The following REDIC1 variants were observed in gnomAD, a reference collection of about 807,000 sequenced individuals.
REDIC1 encodes the protein regulator of DNA class I crossover intermediates 1, also known as HEI10 Interacting Protein 1.
At chr12:39,889,751 T>C in the REDIC1 span, among the ~76,000 whole-genome samples, 91 of 152,068 alleles carry the variant, frequency 6.0e-4, no homozygotes, top group Non-Finnish European at 8.5e-4. Context: ...AGGATGGTCT[T>C]GATTTCTTGA....
At chr12:39,868,823 C>A in the REDIC1 span, among the ~76,000 whole-genome samples, 3 of 152,118 alleles carry the variant, frequency 2.0e-5, no homozygotes, top group Non-Finnish European at 2.9e-5. Context: ...CCAAAAATGT[C>A]CTACATTTAA....
chr12:39,639,777 C>G, the REDIC1 span, among the ~76,000 whole-genome samples: 1 of 151,834 alleles, frequency 6.6e-6, no homozygotes, highest in African/African-American at 2.4e-5. Flanking sequence ...AAGATATATG[C>G]TATTTAGTAT....
the REDIC1 span, among the ~76,000 whole-genome samples, chr12:39,722,158 A>C: frequency 6.6e-6 from 1 of 152,108 alleles, no homozygotes; most frequent in South Asian, 2.1e-4. Flanking sequence ...TTTTCATGTT[A>C]CATTTTTATA....
the REDIC1 span, among the ~76,000 whole-genome samples, chr12:39,669,550 T>C: frequency 6.6e-6 from 1 of 152,212 alleles, no homozygotes; most frequent in Admixed American, 6.5e-5. Context: ...TCCAGCTGCG[T>C]GCTGGGAGAA....
At chr12:39,693,000 A>T in the REDIC1 span, among the ~76,000 whole-genome samples, 1 of 152,062 alleles carries the variant, frequency 6.6e-6, no homozygotes, top group Non-Finnish European at 1.5e-5. Flanking sequence ...TTGTAGTTCT[A>T]ATTTATATTT....
chr12:39,727,283 A>T, the REDIC1 span, among the ~76,000 whole-genome samples: 4 of 151,914 alleles, frequency 2.6e-5, no homozygotes, highest in African/African-American at 7.3e-5. Context: ...TATGGTTTTA[A>T]GTCTTATGTT....
chr12:39,671,004 T>C, the REDIC1 span, among the ~76,000 whole-genome samples: 1 of 152,180 alleles, frequency 6.6e-6, no homozygotes, highest in Non-Finnish European at 1.5e-5. Context: ...TTTTATATCA[T>C]GATTTCGAAT....
At chr12:39,688,146 C>T in the REDIC1 span, among the ~76,000 whole-genome samples, 2,713 of 152,260 alleles carry the variant, frequency 0.018, 78 homozygotes, top group African/African-American at 0.061. Context: ...ATGCACTAGA[C>T]TCTGCAAGGT....
chr12:39,729,120 C>A, the REDIC1 span, among the ~76,000 whole-genome samples: 1 of 152,036 alleles, frequency 6.6e-6, no homozygotes, highest in Non-Finnish European at 1.5e-5. Flanking sequence ...CTCCCAGATT[C>A]CTTGAGTTTT....
the REDIC1 span, among the ~76,000 whole-genome samples, chr12:39,786,590 G>A: frequency 6.6e-6 from 1 of 152,202 alleles, no homozygotes; most frequent in African/African-American, 2.4e-5. Context: ...AAAGCACAAG[G>A]AGAGCATGAT....
the REDIC1 span, among the ~76,000 whole-genome samples, chr12:39,724,713 C>A: frequency 6.6e-6 from 1 of 151,986 alleles, no homozygotes; most frequent in Non-Finnish European, 1.5e-5. Flanking sequence ...TCCATTTCTG[C>A]CATCTGCTGA....
At chr12:39,719,376 C>T in the REDIC1 span, among the ~76,000 whole-genome samples, 1 of 152,032 alleles carries the variant, frequency 6.6e-6, no homozygotes, top group African/African-American at 2.4e-5. Context: ...CTTGTAATCC[C>T]AGCATTTTGG....
chr12:39,650,365 A>G, the REDIC1 span: 2 of 1,603,612 alleles, frequency 1.2e-6, no homozygotes, highest in Admixed American at 1.7e-5. The surrounding 1 kb of genome is among the most constrained non-coding windows in gnomAD (Gnocchi z 4.3). Context: ...GTAAGCAAAG[A>G]TGCTGAAGGA....
At chr12:39,732,813 G>T in the REDIC1 span, among the ~76,000 whole-genome samples, 2 of 152,092 alleles carry the variant, frequency 1.3e-5, no homozygotes, top group Non-Finnish European at 2.9e-5. Context: ...GCCAAAGATG[G>T]TTCCTCAGTC....
chr12:39,792,687 C>T, the REDIC1 span, among the ~76,000 whole-genome samples: 1 of 152,058 alleles, frequency 6.6e-6, no homozygotes, highest in South Asian at 2.1e-4. Flanking sequence ...TACCAAAAGT[C>T]AGATATAGAT....
the REDIC1 span, among the ~76,000 whole-genome samples, chr12:39,896,378 A>T: frequency 5.7e-4 from 73 of 129,038 alleles, 4 homozygotes; most frequent in African/African-American, 2.1e-3. Context: ...GTATACATAT[A>T]TGTATGTATA....
At chr12:39,656,337 T>C in the REDIC1 span, among the ~76,000 whole-genome samples, 1 of 152,198 alleles carries the variant, frequency 6.6e-6, no homozygotes, top group Non-Finnish European at 1.5e-5. Flanking sequence ...AATATTATAA[T>C]GGAGCTGAAA....
At chr12:39,670,427 G>T in the REDIC1 span, among the ~76,000 whole-genome samples, 1 of 152,150 alleles carries the variant, frequency 6.6e-6, no homozygotes, top group Non-Finnish European at 1.5e-5. Context: ...CTGACCTCAG[G>T]TGATCTGCCC....
the REDIC1 span, among the ~76,000 whole-genome samples, chr12:39,797,033 A>G: frequency 6.6e-6 from 1 of 152,224 alleles, no homozygotes; most frequent in Non-Finnish European, 1.5e-5. Context: ...ATTTTAAAAA[A>G]CTTATAATTA....
Sources: gnomAD v4.1 joint callset for allele counts (sites outside exome capture counted in the v4.1 genomes callset) on GRCh38, gnomAD v4.1.1 for gene constraint, Gnocchi (gnomAD v3.1) non-coding constraint, MANE v1.5 for transcripts, NCBI Gene and HGNC (gene_info 2026-07-23, HGNC 2026-07-21) for gene names.